Variants in PDGFD observed in about 807,000 individuals in gnomAD.
PDGFD encodes platelet-derived growth factor D.
A neutral mutation model predicts 44.7 loss-of-function variants in PDGFD; 30 were observed. That is an observed-to-expected ratio of 0.67 (90% confidence interval 0.50 to 0.91). PDGFD has a LOEUF of 0.91. PDGFD is among the 40% of genes least tolerant of loss of function. PDGFD has a pLI of 0.00. For synonymous variants in PDGFD, 173 were observed against 168.4 expected, an observed-to-expected ratio of 1.03 and a Z score of -0.21; for missense variants, 445 against 457.8, an observed-to-expected ratio of 0.97 and a Z score of 0.25.
In PDGFD at chr11:103,908,310, A is replaced by G. The variant is rs1857969660; in HGVS notation, c.*1384T>C. ...TAAAACAGACACAAAGGAGGCAGAG[A>G]GAAAAAATTACTCTAAATACCATTA... On this transcript the variant is annotated 3_prime_UTR_variant, in exon 7 of 7. Transcript: ENST00000393158. The G allele has an allele frequency of 6.6e-6, 1 of 152,308 alleles. No homozygotes were observed. The highest frequency in any genetic ancestry group is 2.1e-4 in the South Asian group (1 of 4,822). The allele number at this position is 152,308 out of a possible 1,614,324, so 9.4% of individuals were successfully genotyped here.
intron 1 of PDGFD, among the ~76,000 whole-genome samples, chr11:104,096,535 C>A (rs1464108499): frequency 6.6e-6 from 1 of 152,144 alleles, no homozygotes; most frequent in Admixed American, 6.5e-5. Context: ...TTAGACTTCA[C>A]TAAACACAAG....
At chr11:104,156,674 A>G (rs1276220159) in intron 1 of PDGFD, among the ~76,000 whole-genome samples, 2 of 152,232 alleles carry the variant, frequency 1.3e-5, no homozygotes, top group East Asian at 3.9e-4. Context: ...ATTAAAGCTA[A>G]TATAGAGATG....
At chr11:104,029,575 T>C (rs1172459138) in intron 1 of PDGFD, among the ~76,000 whole-genome samples, 1 of 152,230 alleles carries the variant, frequency 6.6e-6, no homozygotes, top group Non-Finnish European at 1.5e-5. Flanking sequence ...TTATGGTACA[T>C]TTTTTAAAAT....
chr11:103,963,782 T>G (rs1418322412), intron 3 of PDGFD, among the ~76,000 whole-genome samples: 2 of 152,170 alleles, frequency 1.3e-5, no homozygotes, highest in Non-Finnish European at 1.5e-5. Context: ...ATAAAGAAAT[T>G]TAAAGATAAA....
At chr11:104,005,996 AT>A (rs1326556065) in intron 1 of PDGFD, among the ~76,000 whole-genome samples, 1 of 152,238 alleles carries the variant, frequency 6.6e-6, no homozygotes, top group African/African-American at 2.4e-5. Flanking sequence ...GGCAATTAAA[AT>A]TTTTAAAAAG....
At chr11:103,991,247 A>G (rs370367602) in intron 3 of PDGFD, among the ~76,000 whole-genome samples, 1 of 152,172 alleles carries the variant, frequency 6.6e-6, no homozygotes, top group Admixed American at 6.6e-5. Context: ...GGTGAGCATA[A>G]TTAGAGTCTG....
chr11:103,965,861 T>C (rs1266538823), intron 3 of PDGFD, among the ~76,000 whole-genome samples: 2 of 152,118 alleles, frequency 1.3e-5, no homozygotes, highest in Non-Finnish European at 2.9e-5. Context: ...ATCCAGGTTG[T>C]GGGAAAGAAA....
At chr11:104,045,410 T>C (rs1860424814) in intron 1 of PDGFD, among the ~76,000 whole-genome samples, 1 of 152,134 alleles carries the variant, frequency 6.6e-6, no homozygotes, top group African/African-American at 2.4e-5. Flanking sequence ...AGAAGATTCA[T>C]ACTACAGCTG....
chr11:104,016,170 G>A (rs1347048713), intron 1 of PDGFD, among the ~76,000 whole-genome samples: 1 of 152,132 alleles, frequency 6.6e-6, no homozygotes, highest in Non-Finnish European at 1.5e-5. Context: ...AGGAAAAGGT[G>A]TCATCTCTCA....
chr11:104,024,497 A>T (rs577944858), intron 1 of PDGFD, among the ~76,000 whole-genome samples: 2 of 152,356 alleles, frequency 1.3e-5, no homozygotes, highest in African/African-American at 4.8e-5. Context: ...TATGTAAGAC[A>T]GTAGTCCCAT....
chr11:104,162,722 A>G (rs1323915821), intron 1 of PDGFD, among the ~76,000 whole-genome samples: 1 of 152,168 alleles, frequency 6.6e-6, no homozygotes, highest in African/African-American at 2.4e-5. Flanking sequence ...ACATACCAAG[A>G]AAGAAACTGA....
At chr11:103,927,448 A>G (rs551021159) in intron 5 of PDGFD, among the ~76,000 whole-genome samples, 1 of 152,336 alleles carries the variant, frequency 6.6e-6, no homozygotes, top group African/African-American at 2.4e-5. Context: ...TTGGCAAATT[A>G]AAATAATTGC....
chr11:103,959,851 C>T (rs996628257), intron 3 of PDGFD, among the ~76,000 whole-genome samples: 4 of 152,146 alleles, frequency 2.6e-5, no homozygotes, highest in African/African-American at 9.7e-5. Context: ...TCTTCTCCTC[C>T]AGGCTGGGAG....
chr11:104,086,387 G>A (rs1861131303), intron 1 of PDGFD, among the ~76,000 whole-genome samples: 2 of 152,186 alleles, frequency 1.3e-5, no homozygotes, highest in South Asian at 2.1e-4. Context: ...GGACATACAA[G>A]TTTTTTTTCC....
At chr11:103,943,409 T>A (rs1008466155) in intron 5 of PDGFD, 43 bp downstream of exon 5, 1 of 1,559,578 alleles carries the variant, frequency 6.4e-7, no homozygotes. Flanking sequence ...ACTGTTAAGA[T>A]TTCTATGTGC....
At chr11:103,977,192 GTAAT>G (rs772496112) in intron 3 of PDGFD, among the ~76,000 whole-genome samples, 5 of 151,982 alleles carry the variant, frequency 3.3e-5, no homozygotes, top group Non-Finnish European at 5.9e-5. Context: ...AATTGAGGCA[GTAAT>G]TAATAGCCTA....
intron 5 of PDGFD, among the ~76,000 whole-genome samples, chr11:103,937,739 T>C (rs1170060869): frequency 1.5e-5 from 2 of 130,788 alleles, no homozygotes; most frequent in African/African-American, 5.8e-5. Flanking sequence ...GTGTGTGATG[T>C]TCCCCTTCCT....
At chr11:103,928,972 G>A (rs1388137955) in intron 5 of PDGFD, among the ~76,000 whole-genome samples, 3 of 152,094 alleles carry the variant, frequency 2.0e-5, no homozygotes, top group Admixed American at 6.6e-5. Context: ...TGCTGCTTGT[G>A]ATAATGGGAA....
chr11:104,118,936 A>G (rs1415918352), intron 1 of PDGFD, among the ~76,000 whole-genome samples: 14 of 102,862 alleles, frequency 1.4e-4, no homozygotes, highest in Admixed American at 5.9e-4. Context: ...TTATTATAAT[A>G]TATATTATAA....
Sources: allele counts gnomAD v4.1 joint callset (sites outside exome capture counted in the v4.1 genomes callset), GRCh38; gene constraint gnomAD v4.1.1; transcripts MANE v1.5; gene names NCBI Gene and HGNC (gene_info 2026-07-23, HGNC 2026-07-21).